Variants in FOXN3 observed in about 807,000 individuals in gnomAD.
The protein encoded by FOXN3 is forkhead box N3, also known as forkhead box protein N3.
FOXN3 carries 7 observed loss-of-function variants against 38.4 expected under a neutral mutation model. The ratio of observed to expected loss-of-function variants is 0.18; its 90% CI spans 0.10 to 0.34. The LOEUF (loss-of-function observed/expected upper bound fraction) is 0.34. Ranked by LOEUF, FOXN3 falls within the 10% of genes least tolerant of loss-of-function variation. The pLI is 1.00. For missense variants in FOXN3, 456 were observed against 613.4 expected (o/e 0.74, Z 2.71); for synonymous variants, 230 against 242.2 (o/e 0.95, Z 0.47).
At chr14:89,308,581 C>A (rs766972455) in intron 3 of FOXN3, among the ~76,000 whole-genome samples, 1 of 152,176 alleles carries the variant, frequency 6.6e-6, no homozygotes, top group Non-Finnish European at 1.5e-5. Flanking sequence ...AACGCCTGAA[C>A]CCACATCCGT....
At position 89,158,150 on chromosome 14, in the gene FOXN3, G is replaced by A. The variant is rs1887020619; in HGVS notation, c.*4264C>T. On this transcript the variant is annotated 3_prime_UTR_variant, in exon 6 of 6. Coordinates refer to ENST00000557258, the MANE Select transcript of FOXN3 (RefSeq NM_005197.4). ...AAGAGCCCTTCCAGGAGAGGCCCAA[G>A]GCGCCCCCCACAGAGTGGAATGAGT... The A allele has an allele frequency of 6.6e-6, 1 of 152,276 alleles. No individual in the cohort carries two copies. The highest frequency in any genetic ancestry group is 6.5e-5 in the Admixed American group (1 of 15,284). The allele number at this position is 152,276 out of a possible 1,614,324, so 9.4% of individuals were successfully genotyped here.
At chr14:89,454,018 A>T (rs904604606) in intron 1 of FOXN3, among the ~76,000 whole-genome samples, 1 of 152,150 alleles carries the variant, frequency 6.6e-6, no homozygotes, top group African/African-American at 2.4e-5. Context: ...AAGAAGAAGA[A>T]GAAGGACTGG....
chr14:89,284,365 C>A lies in FOXN3; in HGVS notation c.681-3351G>T, dbSNP rs949080768. The A allele has an allele frequency of 1.4e-5, 6 of 429,152 alleles. No individual in the cohort carries two copies. In the Admixed American group the frequency reaches 1.5e-4, roughly 10 times the overall value. The allele number at this position is 429,152 out of a possible 1,614,324, so 26.6% of individuals were successfully genotyped here. On this transcript the variant is annotated intron_variant, in intron 3 of 5. Coordinates refer to ENST00000557258, the MANE Select transcript of FOXN3 (RefSeq NM_005197.4). ...AGGTCCTGAGAGGTGAAAGGACTTGCCCAAGACACTGCATGACAAGTTAGT... is the reference window on the plus strand; with the variant it reads ...AGGTCCTGAGAGGTGAAAGGACTTGACCAAGACACTGCATGACAAGTTAGT...
intron 4 of FOXN3, among the ~76,000 whole-genome samples, chr14:89,254,539 T>A (rs1885559631): frequency 6.6e-6 from 1 of 152,108 alleles, no homozygotes; most frequent in Non-Finnish European, 1.5e-5. Flanking sequence ...ATGCTCCATC[T>A]CCCAGATGTC....
At chr14:89,615,103 A>G (rs1295277867) in intron 1 of FOXN3, among the ~76,000 whole-genome samples, 1 of 129,056 alleles carries the variant, frequency 7.7e-6, no homozygotes, top group Non-Finnish European at 1.6e-5. Context: ...TAGCCAACCC[A>G]TCCCCAATTT....
intron 1 of FOXN3, among the ~76,000 whole-genome samples, chr14:89,591,760 A>C (rs1453717692): frequency 2.6e-5 from 4 of 152,168 alleles, no homozygotes; most frequent in African/African-American, 9.7e-5. Flanking sequence ...CACCATCTCT[A>C]CAAAAAATTT....
At chr14:89,437,096 T>C (rs10137178) in intron 1 of FOXN3, among the ~76,000 whole-genome samples, 2,218 of 152,062 alleles carry the variant, frequency 0.015, 53 homozygotes, top group African/African-American at 0.048. Flanking sequence ...GGAGAATCAA[T>C]TGAACACGGA....
chr14:89,577,676 C>A (rs1242594188), intron 1 of FOXN3, among the ~76,000 whole-genome samples: 2 of 152,156 alleles, frequency 1.3e-5, no homozygotes, highest in African/African-American at 4.8e-5. Context: ...GGAAGTCATT[C>A]TTACCCTGGA....
rs570174498 is a variant in FOXN3, at chr14:89,277,435, G to A, written c.745+3515C>T. Among the ~76,000 whole-genome samples the A allele has an allele frequency of 2.0e-5, 3 of 152,272 alleles. No individual in the cohort carries two copies. The East Asian group carries it at 5.8e-4, about 29-fold the overall frequency. On this transcript the variant is annotated intron_variant, in intron 4 of 5. Coordinates refer to ENST00000557258, the MANE Select transcript of FOXN3 (RefSeq NM_005197.4). ...AAGTGCTCTCTAGCCTGCTGAAACTGTCTGTAGCAGCCTAAATGGCATTTA... is the reference window on the plus strand; with the variant it reads ...AAGTGCTCTCTAGCCTGCTGAAACTATCTGTAGCAGCCTAAATGGCATTTA...
At chr14:89,557,303 C>T (rs766936364) in intron 1 of FOXN3, among the ~76,000 whole-genome samples, 3 of 152,152 alleles carry the variant, frequency 2.0e-5, no homozygotes, top group African/African-American at 7.2e-5. Context: ...CTCCCAATTC[C>T]CACTCTTATT....
At chr14:89,565,093 CAAAAAAAA>C (rs59821937) in intron 1 of FOXN3, among the ~76,000 whole-genome samples, 2 of 52,898 alleles carry the variant, frequency 3.8e-5, no homozygotes, top group Non-Finnish European at 7.2e-5. Flanking sequence ...GAGCTCGTCT[CAAAAAAAA>C]AAAAAAAAAA....
intron 1 of FOXN3, among the ~76,000 whole-genome samples, chr14:89,445,231 T>C (rs948838431): frequency 6.6e-6 from 1 of 152,218 alleles, no homozygotes; most frequent in Admixed American, 6.5e-5. Flanking sequence ...ACCCGACTTC[T>C]GAACTTGAGT....
chr14:89,391,780 G>A (rs1173230550), intron 2 of FOXN3, among the ~76,000 whole-genome samples: 1 of 152,096 alleles, frequency 6.6e-6, no homozygotes, highest in African/African-American at 2.4e-5. Flanking sequence ...CGAGGTGGGT[G>A]GACTGCTTGA....
intron 1 of FOXN3, among the ~76,000 whole-genome samples, chr14:89,535,537 C>T (rs774444350): frequency 1.3e-5 from 2 of 152,132 alleles, no homozygotes; most frequent in African/African-American, 2.4e-5. Context: ...TGACCTAGTA[C>T]AGAGAAAATA....
chr14:89,277,488 A>G (rs1159262486), intron 4 of FOXN3, among the ~76,000 whole-genome samples: 1 of 152,178 alleles, frequency 6.6e-6, no homozygotes, highest in African/African-American at 2.4e-5. Context: ...TGATGAAATG[A>G]CCAATTATGT....
At chr14:89,439,837 G>A (rs1892342588) in intron 1 of FOXN3, among the ~76,000 whole-genome samples, 1 of 149,120 alleles carries the variant, frequency 6.7e-6, no homozygotes, top group Non-Finnish European at 1.5e-5. Flanking sequence ...TTGTATTTTA[G>A]TAGAGACGGG....
intron 1 of FOXN3, among the ~76,000 whole-genome samples, chr14:89,601,854 CTAGCACTCG>C (rs1896160228): frequency 6.6e-6 from 1 of 152,094 alleles, no homozygotes; most frequent in Non-Finnish European, 1.5e-5. Flanking sequence ...CTCAATAGTA[CTAGCACTCG>C]TAGACCTCAA....
chr14:89,468,051 T>C (rs776371504), intron 1 of FOXN3, among the ~76,000 whole-genome samples: 7 of 151,778 alleles, frequency 4.6e-5, no homozygotes, highest in Non-Finnish European at 1.0e-4. Flanking sequence ...TGCACATATA[T>C]ACATGCATCT....
At chr14:89,244,490 T>C (rs1181419675) in intron 4 of FOXN3, among the ~76,000 whole-genome samples, 1 of 152,214 alleles carries the variant, frequency 6.6e-6, no homozygotes, top group Non-Finnish European at 1.5e-5. Context: ...GCAAAGCTAT[T>C]AGACTTTTTC....
Sources: allele counts gnomAD v4.1 joint callset (sites outside exome capture counted in the v4.1 genomes callset), GRCh38; gene constraint gnomAD v4.1.1; transcripts MANE v1.5; gene names NCBI Gene and HGNC (gene_info 2026-07-23, HGNC 2026-07-21).